TUSC3: variants seen among roughly 807,000 people sequenced by gnomAD.
TUSC3 encodes dolichyl-diphosphooligosaccharide--protein glycosyltransferase subunit TUSC3.
In TUSC3, 45 loss-of-function variants were observed where a neutral mutation model predicts 44.8. The observed-to-expected ratio is 1.00, with a 90% CI of 0.79 to 1.29. The LOEUF (loss-of-function observed/expected upper bound fraction) is 1.29, where lower values mean the gene tolerates loss of function less well. Among genes scored for constraint, TUSC3 ranks in the 50% most tolerant of loss-of-function variants. The pLI, the probability that TUSC3 is intolerant of heterozygous loss-of-function variation, is 0.00. For synonymous variants in TUSC3, 212 were observed against 152.9 expected (o/e 1.39, Z -2.85); for missense variants, 519 against 437.9 (o/e 1.19, Z -1.65).
At chr8:15,695,949 G>C (rs1563178005) in intron 6 of TUSC3, among the ~76,000 whole-genome samples, 1 of 152,130 alleles carries the variant, frequency 6.6e-6, no homozygotes, top group Non-Finnish European at 1.5e-5. Flanking sequence ...AGTTTTATAA[G>C]GGAAGCAGAG....
chr8:15,657,682 C>G (rs1295819234), intron 3 of TUSC3, among the ~76,000 whole-genome samples: 1 of 152,150 alleles, frequency 6.6e-6, no homozygotes, highest in Non-Finnish European at 1.5e-5. Flanking sequence ...TTCTAGTATG[C>G]TCTTCCAGAT....
intron 2 of TUSC3, among the ~76,000 whole-genome samples, chr8:15,506,279 G>C (rs1405278782): frequency 6.6e-6 from 1 of 152,162 alleles, no homozygotes; most frequent in Non-Finnish European, 1.5e-5. Context: ...CCTGAGGCTA[G>C]TTCTAGAAAC....
intron 9 of TUSC3, 191 bp downstream of exon 9, chr8:15,748,656 T>TA: frequency 1.4e-6 from 1 of 734,022 alleles, no homozygotes; most frequent in African/African-American, 1.7e-5. Flanking sequence ...GGCATGGTTC[T>TA]TGTTCCCTGA....
At chr8:15,502,598 G>T (rs1242824494) in intron 2 of TUSC3, among the ~76,000 whole-genome samples, 1 of 152,130 alleles carries the variant, frequency 6.6e-6, no homozygotes, top group African/African-American at 2.4e-5. Flanking sequence ...TCACACCATT[G>T]TCCTGTCTCA....
At chr8:15,749,155 C>G (rs1811581175) in intron 9 of TUSC3, among the ~76,000 whole-genome samples, 1 of 151,898 alleles carries the variant, frequency 6.6e-6, no homozygotes, top group African/African-American at 2.4e-5. Context: ...CTAAGGAGTC[C>G]TTCTTTTAGG....
intron 2 of TUSC3, among the ~76,000 whole-genome samples, chr8:15,494,199 T>G (rs1277554190): frequency 6.6e-6 from 1 of 152,186 alleles, no homozygotes; most frequent in Non-Finnish European, 1.5e-5. Flanking sequence ...GGATCTGAAT[T>G]CCTTCATAGT....
intron 1 of TUSC3, among the ~76,000 whole-genome samples, chr8:15,599,774 A>G (rs1804209983): frequency 1.4e-5 from 2 of 143,660 alleles, no homozygotes; most frequent in South Asian, 4.4e-4. Flanking sequence ...TGTACTATTG[A>G]TCTGTTATTT....
chr8:15,446,602 C>T (rs1375031376), intron 1 of TUSC3, among the ~76,000 whole-genome samples: 1 of 151,818 alleles, frequency 6.6e-6, no homozygotes, highest in African/African-American at 2.4e-5. Flanking sequence ...CGGCGGGCGC[C>T]TGCAATCCCA....
At chr8:15,760,489 C>G (rs989642023) in intron 10 of TUSC3, among the ~76,000 whole-genome samples, 1 of 151,802 alleles carries the variant, frequency 6.6e-6, no homozygotes, top group African/African-American at 2.4e-5. Context: ...TTCAGTACAC[C>G]CTGTGGTTTA....
chr8:15,816,226 G>A, the TUSC3 span, among the ~76,000 whole-genome samples: 1 of 152,148 alleles, frequency 6.6e-6, no homozygotes, highest in Non-Finnish European at 1.5e-5. Context: ...TATCTCAAGA[G>A]ATTTAGATAA....
In TUSC3 at chr8:15,431,448, G is replaced by A. The variant is rs147610776; in HGVS notation, n.91+14143G>A. ...TTCTTTCGAATGCTCTTTAAATGGCGTTGTTTTCATAATTTCCTTTACAAA... is the reference window on the plus strand; with the variant it reads ...TTCTTTCGAATGCTCTTTAAATGGCATTGTTTTCATAATTTCCTTTACAAA... On this transcript the variant is annotated intron_variant and non_coding_transcript_variant, in intron 1 of 5. Transcript: ENST00000503191. 4.9e-3 allele frequency among the ~76,000 whole-genome samples: 739 copies of A among 151,474 alleles called. 15 individuals carry two copies. The highest frequency in any genetic ancestry group is 0.039 in the Admixed American group (593 of 15,232).
intron 9 of TUSC3, among the ~76,000 whole-genome samples, chr8:15,752,805 G>A (rs918007477): frequency 5.9e-5 from 9 of 151,996 alleles, no homozygotes; most frequent in Admixed American, 1.3e-4. Flanking sequence ...TCAATAATCT[G>A]ATAGCCAAAG....
rs563923799 is a variant in TUSC3, at chr8:15,460,829, G to A, written n.92-22557G>A. 3.0e-3 allele frequency among the ~76,000 whole-genome samples: 462 copies of A among 152,220 alleles called. 2 individuals are homozygous for A. Among genetic ancestry groups the A allele is most frequent in the African/African-American group, 0.011 (443 of 41,542 alleles). ...TTTTTGTTTGCTTTGTCAAAGATCA[G>A]TTGGCTGTAAGTATTTGGGTTTATT... On this transcript the variant is annotated intron_variant and non_coding_transcript_variant, in intron 1 of 5. Transcript: ENST00000503191.
At chr8:15,492,403 G>C (rs139043147) in intron 2 of TUSC3, among the ~76,000 whole-genome samples, 2 of 152,066 alleles carry the variant, frequency 1.3e-5, no homozygotes, top group East Asian at 1.9e-4. Context: ...TGCAATACAG[G>C]CTTGTCTGCA....
chr8:15,735,876 T>TTTG (rs1554484149), intron 7 of TUSC3, among the ~76,000 whole-genome samples: 9 of 139,064 alleles, frequency 6.5e-5, no homozygotes, highest in Non-Finnish European at 8.2e-5. Flanking sequence ...ATGGGTTTTT[T>TTTG]TTTTTTGTTT....
At chr8:15,477,951 A>T (rs1800603089) in intron 1 of TUSC3, among the ~76,000 whole-genome samples, 1 of 152,036 alleles carries the variant, frequency 6.6e-6, no homozygotes, top group Non-Finnish European at 1.5e-5. Context: ...TTAAAAATTT[A>T]ATTTAATTAA....
chr8:15,498,388 G>A (rs1218816089), intron 2 of TUSC3, among the ~76,000 whole-genome samples: 1 of 152,166 alleles, frequency 6.6e-6, no homozygotes. Context: ...TGTTGGAGAT[G>A]TGAATAGAAG....
At chr8:15,595,457 G>C (rs1265337849) in intron 1 of TUSC3, among the ~76,000 whole-genome samples, 1 of 152,112 alleles carries the variant, frequency 6.6e-6, no homozygotes, top group African/African-American at 2.4e-5. Context: ...ATCTCTCAAG[G>C]GAGTAGGGTG....
chr8:15,669,906 C>G (rs1807866669), intron 5 of TUSC3, among the ~76,000 whole-genome samples: 1 of 150,700 alleles, frequency 6.6e-6, no homozygotes, highest in Non-Finnish European at 1.5e-5. Context: ...TGATTTTGTA[C>G]ATAGAAAAAA....
Sources: allele counts gnomAD v4.1 joint callset (sites outside exome capture counted in the v4.1 genomes callset), GRCh38; gene constraint gnomAD v4.1.1; transcripts MANE v1.5; gene names NCBI Gene and HGNC (gene_info 2026-07-23, HGNC 2026-07-21).